Variants in MIA3 observed in about 807,000 individuals in gnomAD.
MIA3 encodes the protein transport and Golgi organization protein 1 homolog.
A neutral mutation model predicts 192.4 loss-of-function variants in MIA3; 90 were observed. The ratio of observed to expected loss-of-function variants is 0.47; its 90% CI spans 0.39 to 0.56. MIA3 has a LOEUF of 0.56. Among genes scored for constraint, MIA3 ranks in the 20% least tolerant of loss-of-function variants. The pLI is 0.00. For missense variants in MIA3, 2,123 were observed against 2,269.4 expected, an observed-to-expected ratio of 0.94 and a Z score of 1.31; for synonymous variants, 740 against 792.8, an observed-to-expected ratio of 0.93 and a Z score of 1.12.
At position 222,628,481 on chromosome 1, in the gene MIA3, C is replaced by T. The variant is rs1662227782; in HGVS notation, c.1261C>T (p.Pro421Ser). 1 of 1,613,266 alleles carries T rather than the reference C, an allele frequency of 6.2e-7. No individual in the cohort carries two copies. The change falls in exon 4 of 28, where the codon CCA (proline) becomes TCA (serine). Residue 421 changes from proline (P) to serine (S), a missense_variant. Pro to Ser is a moderately conservative substitution (Grantham distance 74, BLOSUM62 -1). This residue lies in a region of MIA3 where 1,357 missense variants were observed against 1,396.1 expected (regional missense o/e 0.97). Coordinates refer to ENST00000344922, the MANE Select transcript of MIA3 (RefSeq NM_198551.4). ...EKEDDDDALV[P>S]DSKQGKPQSA... Reference sequence around the variant, plus strand: ...AGAAGATGATGATGATGCATTAGTCCCAGATAGCAAACAGGGGAAACCACA... The same window carrying T: ...AGAAGATGATGATGATGCATTAGTCTCAGATAGCAAACAGGGGAAACCACA...
intron 4 of MIA3, among the ~76,000 whole-genome samples, chr1:222,630,661 A>G (rs1393405887): frequency 6.6e-6 from 1 of 152,256 alleles, no homozygotes. Flanking sequence ...ATAAACCAGA[A>G]AGTAATATAC....
At chr1:222,662,872 T>A (rs542580532) in intron 26 of MIA3, 25 of 156,016 alleles carry the variant, frequency 1.6e-4, no homozygotes, top group African/African-American at 5.8e-4. Context: ...CTATTTTGAA[T>A]GATCTGAAAT....
intron 6 of MIA3, among the ~76,000 whole-genome samples, chr1:222,636,176 A>C (rs900408581): frequency 1.3e-5 from 2 of 152,198 alleles, no homozygotes; most frequent in Non-Finnish European, 2.9e-5. Context: ...TGGTATTATC[A>C]GTCTTAAATT....
chr1:222,652,429 T>A, intron 13 of MIA3, 97 bp downstream of exon 13: 1 of 787,496 alleles, frequency 1.3e-6, no homozygotes. Flanking sequence ...GGGTAATATA[T>A]GTGCAGGATT....
intron 3 of MIA3, among the ~76,000 whole-genome samples, 186 bp downstream of exon 3, chr1:222,625,040 C>T (rs1307918676): frequency 1.3e-5 from 2 of 150,514 alleles, no homozygotes; most frequent in Non-Finnish European, 3.0e-5. Flanking sequence ...GTCGGAGTCT[C>T]GCTCTGTCAC....
At chr1:222,664,863 A>C in intron 27 of MIA3, 1 of 458,408 alleles carries the variant, frequency 2.2e-6, no homozygotes, top group Non-Finnish European at 4.5e-6. Flanking sequence ...TCCAAGTACA[A>C]ATCTATCTCT....
Position 222,659,442 on chromosome 1 carries a change from G to T in MIA3, c.4710-11G>T, listed in dbSNP as rs1467999863. The T allele has an allele frequency of 6.2e-7, 1 of 1,612,664 alleles. No homozygotes were observed. Among genetic ancestry groups the T allele is most frequent in the Non-Finnish European group, 8.5e-7 (1 of 1,178,862 alleles). On this transcript the variant is annotated splice_polypyrimidine_tract_variant and intron_variant, in intron 19 of 27. Coordinates refer to ENST00000344922, the MANE Select transcript of MIA3 (RefSeq NM_198551.4). ...TGTGCTTTAAATGATAAAGCCAAGT[G>T]TAATTCTTAGGCGGAGAATTGAAGA...
chr1:222,629,562 A>C lies in MIA3; in HGVS notation c.2342A>C (p.Glu781Ala), dbSNP rs1448496043. Residue 781 changes from glutamate (E) to alanine (A), a missense_variant, in exon 4 of 28, where the codon GAA (glutamate) becomes GCA (alanine). Physicochemically the swap from Glu to Ala is moderately radical, Grantham distance 107. Around this residue, in one of 3 missense-constraint regions of MIA3, gnomAD observed 1,357 missense variants for 1,396.1 expected, o/e 0.97. Coordinates refer to ENST00000344922, the MANE Select transcript of MIA3 (RefSeq NM_198551.4). ...PDPEIEESKQ[E>A]TSMILDSEKT... ...CCAGAAATTGAAGAAAGCAAGCAAG[A>C]AACTAGTATGATTTTGGATAGCGAA... 2 of 1,613,918 alleles carry C rather than the reference A, an allele frequency of 1.2e-6. No individual in the cohort carries two copies. Among genetic ancestry groups the C allele is most frequent in the African/African-American group, 2.7e-5 (2 of 74,926 alleles).
chr1:222,636,151 AC>A (rs755058312), intron 6 of MIA3, among the ~76,000 whole-genome samples: 11 of 152,130 alleles, frequency 7.2e-5, no homozygotes, highest in South Asian at 2.1e-4. Flanking sequence ...ATTTGACCAC[AC>A]CTTCCCTAAC....
At chr1:222,621,682 T>C (rs930145441) in intron 2 of MIA3, among the ~76,000 whole-genome samples, 1 of 152,246 alleles carries the variant, frequency 6.6e-6, no homozygotes, top group Non-Finnish European at 1.5e-5. Flanking sequence ...GTTGATTTTA[T>C]GTGTATTTCT....
At chr1:222,644,889 T>C (rs940907675) in intron 6 of MIA3, among the ~76,000 whole-genome samples, 2 of 152,112 alleles carry the variant, frequency 1.3e-5, no homozygotes, top group Non-Finnish European at 2.9e-5. Context: ...CCGGCTCTGT[T>C]GTGGGATGGG....
intron 7 of MIA3, among the ~76,000 whole-genome samples, chr1:222,647,647 G>T (rs945308914): frequency 6.6e-6 from 1 of 152,142 alleles, no homozygotes; most frequent in African/African-American, 2.4e-5. Flanking sequence ...TCTCCTATTT[G>T]TTAATAAAAA....
intron 6 of MIA3, chr1:222,644,199 C>A: frequency 3.2e-6 from 3 of 946,666 alleles, no homozygotes; most frequent in Middle Eastern, 4.1e-4. Flanking sequence ...GCCCTATTCG[C>A]TCTTCTCTCC....
At chr1:222,654,934 C>CT (rs1663638428) in intron 18 of MIA3, 141 bp downstream of exon 18, 1 of 804,188 alleles carries the variant, frequency 1.2e-6, no homozygotes, top group East Asian at 2.7e-5. Flanking sequence ...TTTCTTTCTG[C>CT]TTTGTTTCTC....
rs766523561 is a variant in MIA3 at position 222,660,288 on chromosome 1, G to A, written c.5087G>A (p.Arg1696Gln). The A allele has an allele frequency of 1.1e-5, 17 of 1,613,624 alleles. No homozygotes were observed. The highest frequency in any genetic ancestry group is 2.2e-5 in the East Asian group (1 of 44,892). ...PVRPLSATLN[R>Q]RDMPRSEFGS... is the part of the protein sequence containing the mutation. The stretch of plus-strand genomic sequence containing the variant: ...AGACCTCTCTCTGCTACTCTCAATC[G>A]AAGAGATATGCCTAGAAGTGAATTT... The change falls in exon 24 of 28, where the codon CGA becomes CAA. Residue 1696 changes from arginine to glutamine, a missense_variant. By Grantham distance (43) the Arg-to-Gln change is conservative. Coordinates refer to ENST00000344922, the MANE Select transcript of MIA3 (RefSeq NM_198551.4).
rs750261349 is a variant in MIA3, at chr1:222,627,725, C to T, written c.505C>T (p.Pro169Ser). The T allele has an allele frequency of 1.9e-6, 3 of 1,613,140 alleles. No individual in the cohort carries two copies. Among genetic ancestry groups the T allele is most frequent in the East Asian group, 2.2e-5 (1 of 44,862 alleles). Residue 169 changes from proline to serine, a missense_variant, in exon 4 of 28, where the codon CCT becomes TCT. Physicochemically the swap from Pro to Ser is moderately conservative, Grantham distance 74 (BLOSUM62 -1). Transcript: ENST00000344922. ...AACTTTACAGGATATGGAAAAAAACCCTGAATTATCTAAGGAAAGGGAACC... is the reference window on the plus strand; with the variant it reads ...AACTTTACAGGATATGGAAAAAAACTCTGAATTATCTAAGGAAAGGGAACC... ...EKTLQDMEKN[P>S]ELSKEREPEP...
intron 26 of MIA3, chr1:222,662,595 A>G (rs1198395427): frequency 2.5e-6 from 2 of 815,154 alleles, no homozygotes; most frequent in African/African-American, 3.5e-5. Flanking sequence ...TCTTACTTTT[A>G]TCCTTGACTT....
rs200155528 is a variant in MIA3 at position 222,664,128 on chromosome 1, G to A, written c.5393G>A (p.Arg1798Gln). Residue 1798 changes from arginine to glutamine, a missense_variant, in exon 27 of 28, where the codon CGG (arginine) becomes CAG (glutamine). Around this residue, in one of 3 missense-constraint regions of MIA3, gnomAD observed 762 missense variants for 856.4 expected, o/e 0.89. Coordinates refer to ENST00000344922, the MANE Select transcript of MIA3 (RefSeq NM_198551.4). ...PPQLCGPFGPRPLPPPFGPGM... is the reference protein window; with the variant it reads ...PPQLCGPFGPQPLPPPFGPGM... Reference sequence around the variant, plus strand: ...CAGCTCTGCGGACCTTTTGGGCCTCGGCCACTTCCTCCACCCTTTGGTAAG... The same window carrying A: ...CAGCTCTGCGGACCTTTTGGGCCTCAGCCACTTCCTCCACCCTTTGGTAAG... 2.4e-4 allele frequency: 392 copies of A among 1,613,966 alleles called. No individual in the cohort carries two copies. The highest frequency in any genetic ancestry group is 2.8e-4 in the Non-Finnish European group (326 of 1,180,018).
chr1:222,632,961 G>A (rs1192764365), intron 5 of MIA3, 143 bp from the exon 6 acceptor site: 4 of 837,924 alleles, frequency 4.8e-6, no homozygotes, highest in Non-Finnish European at 5.8e-6. Flanking sequence ...TTTCACCACA[G>A]TGCACAGTAA....
Sources: allele counts gnomAD v4.1 joint callset (sites outside exome capture counted in the v4.1 genomes callset), GRCh38; gene constraint gnomAD v4.1.1; regional missense constraint gnomAD v4.1.1; transcripts MANE v1.5; gene names NCBI Gene and HGNC (gene_info 2026-07-23, HGNC 2026-07-21).